The following CABP1 variants were observed in gnomAD, a reference collection of about 807,000 sequenced individuals.
CABP1 encodes calcium-binding protein 1.
A neutral mutation model predicts 34.3 loss-of-function variants in CABP1; 17 were observed. That is an observed-to-expected ratio of 0.50 (90% CI 0.34 to 0.74). The LOEUF (loss-of-function observed/expected upper bound fraction) is 0.74, where lower values mean the gene tolerates loss of function less well. CABP1 is among the 30% of genes least tolerant of loss of function. The pLI, the probability that CABP1 is intolerant of heterozygous loss-of-function variation, is 0.01. For synonymous variants in CABP1, 198 were observed against 229.2 expected (o/e 0.86, Z 1.23); for missense variants, 373 against 511.1 (o/e 0.73, Z 2.61).
chr12:120,660,940 G>T lies in CABP1; in HGVS notation c.939+100G>T. On this transcript the variant is annotated intron_variant, in intron 4 of 5. Transcript: ENST00000316803. This position sits in a 1 kb window ranked among gnomAD's most constrained non-coding sequence, Gnocchi z 5.0. ...CTGAGCCTCAAGTCCCAGATCAGGGGAGGGAGCTTGGACAGAGAAAGGTCT... is the reference window on the plus strand; with the variant it reads ...CTGAGCCTCAAGTCCCAGATCAGGGTAGGGAGCTTGGACAGAGAAAGGTCT... 1 of 1,382,938 alleles carries T rather than the reference G, an allele frequency of 7.2e-7. No individual in the cohort carries two copies. Among genetic ancestry groups the T allele is most frequent in the Non-Finnish European group, 1.0e-6 (1 of 982,028 alleles). The allele number at this position is 1,382,938 out of a possible 1,614,324, so 85.7% of individuals were successfully genotyped here.
Position 120,640,685 on chromosome 12 carries a change from C to A in CABP1, c.-1C>A. 2 of 1,174,022 alleles carry A rather than the reference C, an allele frequency of 1.7e-6. No homozygotes were observed. 72.7% of individuals were successfully genotyped at this position (1,174,022 alleles called of 1,614,324 possible). ...TCCGGGCGTAGAGGCTGCGCTGTCA[C>A]ATGGGCGGCGGCGACGGGGCCGCAT... is the stretch of plus-strand genomic sequence containing the variant. On this transcript the variant is annotated 5_prime_UTR_variant, in exon 1 of 6. Transcript: ENST00000316803. This position sits in a 1 kb window ranked among gnomAD's most constrained non-coding sequence, Gnocchi z 6.2.
At position 120,641,684 on chromosome 12, in the gene CABP1, A is replaced by C; in HGVS notation, c.654+345A>C. The C allele has an allele frequency of 9.3e-6, 2 of 215,214 alleles. No individual in the cohort carries two copies. The highest frequency in any genetic ancestry group is 1.8e-5 in the Non-Finnish European group (2 of 109,072). 13.3% of individuals were successfully genotyped at this position (215,214 alleles called of 1,614,324 possible). A position where few individuals can be genotyped will look rare whatever the true frequency, so the allele number is the denominator to read the frequency against. On this transcript the variant is annotated intron_variant, in intron 1 of 5. Coordinates refer to ENST00000316803, the MANE Select transcript of CABP1 (RefSeq NM_001033677.2). The surrounding 1 kb of genome is among the most constrained non-coding windows in gnomAD (Gnocchi z 6.7). The stretch of plus-strand genomic sequence containing the variant: ...GGGGCGCTCCGAGCAGGTGGCGCCA[A>C]ACCCACTCCTCTGGCCTCTGGCCAG...
rs924400020 is a variant in CABP1, at chr12:120,660,626, A to G, written c.830-105A>G. 34 of 811,618 alleles carry G rather than the reference A, an allele frequency of 4.2e-5. No homozygotes were observed. In the South Asian group the frequency reaches 4.4e-4, roughly 10 times the overall value. The allele number at this position is 811,618 out of a possible 1,614,324, so 50.3% of individuals were successfully genotyped here. On this transcript the variant is annotated intron_variant, in intron 3 of 5. Transcript: ENST00000316803. This position sits in a 1 kb window ranked among gnomAD's most constrained non-coding sequence, Gnocchi z 5.0. Reference sequence around the variant, plus strand: ...TCTTGTTATTATTAAGTTTGTCTCTATCTGATGAGCAGGTCAAGGAGGGGT... The same window carrying G: ...TCTTGTTATTATTAAGTTTGTCTCTGTCTGATGAGCAGGTCAAGGAGGGGT...
downstream of CABP1, among the ~76,000 whole-genome samples, chr12:120,670,789 T>C (rs1225849323): frequency 6.6e-6 from 1 of 152,138 alleles, no homozygotes; most frequent in South Asian, 2.1e-4. Context: ...AGCTCTTTTA[T>C]TGCACCTGGA....
intron 1 of CABP1, among the ~76,000 whole-genome samples, chr12:120,652,900 A>T (rs1879937727): frequency 1.3e-5 from 2 of 152,108 alleles, no homozygotes; most frequent in Admixed American, 6.6e-5. Context: ...GTTGCTGCCC[A>T]CTTGGCTTCC....
chr12:120,670,152 A>C (rs1468308345), downstream of CABP1, among the ~76,000 whole-genome samples: 1 of 151,822 alleles, frequency 6.6e-6, no homozygotes, highest in Non-Finnish European at 1.5e-5. Context: ...ACAGATGCAC[A>C]CCAGCTGATT....
chr12:120,674,884 C>T, the CABP1 span, among the ~76,000 whole-genome samples: 1 of 150,366 alleles, frequency 6.7e-6, no homozygotes, highest in African/African-American at 2.5e-5. Context: ...GAGAGAGACT[C>T]TCTCTGCCAA....
intron 1 of CABP1, among the ~76,000 whole-genome samples, chr12:120,647,560 CTTTTTTTTTTTT>C (rs10557275): frequency 7.7e-4 from 58 of 75,664 alleles, no homozygotes; most frequent in African/African-American, 3.1e-3. Flanking sequence ...CAGTCCAAGC[CTTTTTTTTTTTT>C]TTTTTTTTTT....
At chr12:120,658,299 T>C (rs1307239192) in intron 1 of CABP1, among the ~76,000 whole-genome samples, 2 of 152,036 alleles carry the variant, frequency 1.3e-5, no homozygotes, top group Non-Finnish European at 2.9e-5. Flanking sequence ...GGTCTCACTA[T>C]ATCGCCCAGG....
downstream of CABP1, among the ~76,000 whole-genome samples, chr12:120,668,906 C>T (rs1881147597): frequency 6.6e-6 from 1 of 152,124 alleles, no homozygotes; most frequent in African/African-American, 2.4e-5. Flanking sequence ...TTTGTGAAGC[C>T]CAGATCTGGG....
Position 120,640,872 on chromosome 12 carries a change from G to C in CABP1, c.187G>C (p.Ala63Pro). The C allele has an allele frequency of 9.2e-7, 1 of 1,082,508 alleles. No homozygotes were observed. Among genetic ancestry groups the C allele is most frequent in the African/African-American group, 1.7e-5 (1 of 59,160 alleles). The allele number at this position is 1,082,508 out of a possible 1,614,324, so 67.1% of individuals were successfully genotyped here. The part of the protein sequence containing the change: ...AGPAAMSSHI[A>P]KSESKTSLLK... Reference sequence around the variant, plus strand: ...CCCCGCCGCGATGAGCTCGCACATCGCCAAAAGCGAGTCCAAGACGTCGCT... The same window carrying C: ...CCCCGCCGCGATGAGCTCGCACATCCCCAAAAGCGAGTCCAAGACGTCGCT... Residue 63 changes from alanine to proline, a missense_variant, in exon 1 of 6, where the codon GCC (alanine) becomes CCC (proline). Ala to Pro is a conservative substitution (Grantham distance 27, BLOSUM62 -1). Around this residue, in one of 4 missense-constraint regions of CABP1, gnomAD observed 134 missense variants for 145.4 expected, o/e 0.92. Coordinates refer to ENST00000316803, the MANE Select transcript of CABP1 (RefSeq NM_001033677.2). This position sits in a 1 kb window ranked among gnomAD's most constrained non-coding sequence, Gnocchi z 6.2.
At position 120,640,666 on chromosome 12, in the gene CABP1, C is replaced by A; in HGVS notation, c.-20C>A. Reference sequence around the variant, plus strand: ...GCCGCCGGGAGCTCCGGGCTCCGGGCGTAGAGGCTGCGCTGTCACATGGGC... The same window carrying A: ...GCCGCCGGGAGCTCCGGGCTCCGGGAGTAGAGGCTGCGCTGTCACATGGGC... On this transcript the variant is annotated 5_prime_UTR_variant, in exon 1 of 6. Transcript: ENST00000316803. This position sits in a 1 kb window ranked among gnomAD's most constrained non-coding sequence, Gnocchi z 6.2. 9.1e-7 allele frequency: 1 copy of A among 1,104,474 alleles called. No individual in the cohort carries two copies. The highest frequency in any genetic ancestry group is 1.1e-6 in the Non-Finnish European group (1 of 907,982). The allele number at this position is 1,104,474 out of a possible 1,614,324, so 68.4% of individuals were successfully genotyped here.
At chr12:120,670,926 A>G (rs1881230566), downstream of CABP1, among the ~76,000 whole-genome samples, 3 of 151,972 alleles carry the variant, frequency 2.0e-5, no homozygotes, top group Admixed American at 2.0e-4. Flanking sequence ...AGGAGTTCAG[A>G]CTCTAGCAGG....
Position 120,640,853 on chromosome 12 carries a change from C to G in CABP1, c.168C>G (p.Ala56=). The G allele has an allele frequency of 1.9e-6, 2 of 1,074,010 alleles. No individual in the cohort carries two copies. Among genetic ancestry groups the G allele is most frequent in the African/African-American group, 1.7e-5 (1 of 58,928 alleles). The allele number at this position is 1,074,010 out of a possible 1,614,324, so 66.5% of individuals were successfully genotyped here. A position where few individuals can be genotyped will look rare whatever the true frequency, so the allele number is the denominator to read the frequency against. ...CGGGCCATGCGAGCGCGGGCCCCGC[C>G]GCGATGAGCTCGCACATCGCCAAAA... The part of the protein sequence containing the change: ...PPPGHASAGP[A]AMSSHIAKSE... The change falls in exon 1 of 6, where the codon GCC becomes GCG. Residue 56 remains alanine (A), a synonymous_variant. Coordinates refer to ENST00000316803, the MANE Select transcript of CABP1 (RefSeq NM_001033677.2). The surrounding 1 kb of genome is among the most constrained non-coding windows in gnomAD (Gnocchi z 6.2).
At chr12:120,672,728 C>A in the CABP1 span, among the ~76,000 whole-genome samples, 22 of 124,186 alleles carry the variant, frequency 1.8e-4, no homozygotes, top group South Asian at 5.5e-4. Context: ...AAAAAAAAAA[C>A]CACAAAGAAA....
chr12:120,671,595 C>T (rs923805580), downstream of CABP1, among the ~76,000 whole-genome samples: 1 of 152,190 alleles, frequency 6.6e-6, no homozygotes, highest in Non-Finnish European at 1.5e-5. Flanking sequence ...CAGATGGGAA[C>T]TCTGAGGGGC....
the CABP1 span, among the ~76,000 whole-genome samples, chr12:120,674,762 G>A: frequency 3.3e-5 from 5 of 151,936 alleles, no homozygotes; most frequent in East Asian, 1.9e-4. Flanking sequence ...ATGGTGGTGC[G>A]CACCTGCAGT....
rs1048321578 is a variant in CABP1, at chr12:120,641,293, C to T, written c.608C>T (p.Pro203Leu). 8 of 1,328,236 alleles carry T rather than the reference C, an allele frequency of 6.0e-6. No homozygotes were observed. The highest frequency in any genetic ancestry group is 7.7e-6 in the Non-Finnish European group (8 of 1,040,718). The allele number at this position is 1,328,236 out of a possible 1,614,324, so 82.3% of individuals were successfully genotyped here. The change falls in exon 1 of 6, where the codon CCG (proline) becomes CTG (leucine). Residue 203 changes from proline to leucine, a missense_variant. By Grantham distance (98) the Pro-to-Leu change is moderately conservative. Coordinates refer to ENST00000316803, the MANE Select transcript of CABP1 (RefSeq NM_001033677.2). The surrounding 1 kb of genome is among the most constrained non-coding windows in gnomAD (Gnocchi z 6.7). ...CCAGCCGCCGCGTCCGAGGCGGACCCGTTCCTCCACCGGCTGCGCCCCATG... is the reference window on the plus strand; with the variant it reads ...CCAGCCGCCGCGTCCGAGGCGGACCTGTTCCTCCACCGGCTGCGCCCCATG... ...SVPAAASEADPFLHRLRPMLS... is the reference protein window; with the variant it reads ...SVPAAASEADLFLHRLRPMLS...
the CABP1 span, among the ~76,000 whole-genome samples, chr12:120,674,752 A>G: frequency 6.6e-6 from 1 of 152,136 alleles, no homozygotes. Context: ...TTAGCTGGGC[A>G]TGGTGGTGCG....
Sources: allele counts gnomAD v4.1 joint callset (sites outside exome capture counted in the v4.1 genomes callset), GRCh38; gene constraint gnomAD v4.1.1; regional missense constraint gnomAD v4.1.1; non-coding constraint Gnocchi (gnomAD v3.1); transcripts MANE v1.5; gene names NCBI Gene and HGNC (gene_info 2026-07-23, HGNC 2026-07-21).